The following FBRSL1 variants were observed in gnomAD, a reference collection of about 807,000 sequenced individuals.
FBRSL1 encodes the protein fibrosin-1-like protein.
Under a neutral mutation model 89.6 loss-of-function variants are expected in FBRSL1, and 51 were observed. The observed-to-expected ratio is 0.57, with a 90% CI of 0.45 to 0.72. The LOEUF (loss-of-function observed/expected upper bound fraction) is 0.72. Ranked by LOEUF, FBRSL1 falls within the 30% of genes least tolerant of loss-of-function variation. The pLI is 0.00. For synonymous variants in FBRSL1, 779 were observed against 681.1 expected (o/e 1.14, Z -2.24); for missense variants, 1,618 against 1,451.8 (o/e 1.11, Z -1.86).
chr12:132,544,498 G>A (rs1324388581), intron 4 of FBRSL1, among the ~76,000 whole-genome samples: 1 of 152,160 alleles, frequency 6.6e-6, no homozygotes, highest in East Asian at 1.9e-4. Context: ...CCTACGCCAG[G>A]GTAAATGGCA....
intron 3 of FBRSL1, among the ~76,000 whole-genome samples, chr12:132,526,926 A>T (rs924751922): frequency 1.3e-5 from 2 of 152,018 alleles, no homozygotes; most frequent in African/African-American, 2.4e-5. Context: ...CTCTGTCCTG[A>T]AGACCTCACA....
intron 4 of FBRSL1, among the ~76,000 whole-genome samples, chr12:132,536,995 G>A (rs566988875): frequency 7.2e-5 from 11 of 152,310 alleles, no homozygotes; most frequent in South Asian, 4.1e-4. Flanking sequence ...GCAGGCACTC[G>A]GGGGTCTTCA....
intron 2 of FBRSL1, among the ~76,000 whole-genome samples, chr12:132,522,426 T>A (rs1451751097): frequency 6.6e-6 from 1 of 152,052 alleles, no homozygotes; most frequent in African/African-American, 2.4e-5. Context: ...GCCACCATGT[T>A]CCTACGGTTA....
chr12:132,502,727 C>G (rs1471732790), intron 1 of FBRSL1, among the ~76,000 whole-genome samples: 5 of 148,356 alleles, frequency 3.4e-5, no homozygotes, highest in Admixed American at 2.7e-4. Context: ...GCCTCGAGCC[C>G]GCTATCCCCA....
intron 4 of FBRSL1, among the ~76,000 whole-genome samples, chr12:132,532,537 T>C (rs994190673): frequency 2.6e-5 from 4 of 152,188 alleles, no homozygotes; most frequent in Admixed American, 2.6e-4. Flanking sequence ...TCCATCAGGG[T>C]CACAGATGCC....
intron 4 of FBRSL1, among the ~76,000 whole-genome samples, chr12:132,545,938 C>T (rs960334144): frequency 6.6e-6 from 1 of 152,218 alleles, no homozygotes; most frequent in African/African-American, 2.4e-5. Context: ...CCCTGCAGGC[C>T]TCTGGATGCT....
intron 2 of FBRSL1, chr12:132,512,049 A>G (rs982841175): frequency 1.0e-6 from 1 of 978,040 alleles, no homozygotes; most frequent in Non-Finnish European, 1.2e-6. Context: ...GATTCATTGC[A>G]CTCTGACCGA....
intron 2 of FBRSL1, among the ~76,000 whole-genome samples, chr12:132,512,265 C>CT (rs2034430774): frequency 6.6e-6 from 1 of 152,264 alleles, no homozygotes; most frequent in Non-Finnish European, 1.5e-5. Flanking sequence ...GATCAGTGTC[C>CT]TGGGGACTGG....
intron 9 of FBRSL1, 129 bp from the exon 10 acceptor site, chr12:132,572,159 C>A: frequency 1.3e-6 from 1 of 792,686 alleles, no homozygotes. Context: ...GGACGGCTGG[C>A]CGAAGCCGCC....
At chr12:132,522,557 G>A (rs531585505) in intron 2 of FBRSL1, among the ~76,000 whole-genome samples, 1 of 152,232 alleles carries the variant, frequency 6.6e-6, no homozygotes, top group African/African-American at 2.4e-5. Flanking sequence ...GAAGCCGGCT[G>A]TTAAACTGTT....
chr12:132,577,591 A>C (rs1265914369), intron 15 of FBRSL1, among the ~76,000 whole-genome samples: 2 of 151,958 alleles, frequency 1.3e-5, no homozygotes, highest in African/African-American at 2.4e-5. Flanking sequence ...GGGAGCAGCG[A>C]GGGCCTCCCT....
intron 1 of FBRSL1, among the ~76,000 whole-genome samples, chr12:132,504,778 T>C (rs2033473079): frequency 6.6e-6 from 1 of 152,178 alleles, no homozygotes; most frequent in Non-Finnish European, 1.5e-5. Context: ...GTGTCTTCAT[T>C]CGACACTGGG....
At chr12:132,537,984 G>A (rs12424388) in intron 4 of FBRSL1, among the ~76,000 whole-genome samples, 15,401 of 152,260 alleles carry the variant, frequency 0.1, 962 homozygotes, top group Non-Finnish European at 0.14. Flanking sequence ...CGGGGGAGGG[G>A]CCGCAGAGCC....
At chr12:132,503,288 G>T (rs1044912272) in intron 1 of FBRSL1, among the ~76,000 whole-genome samples, 1 of 152,206 alleles carries the variant, frequency 6.6e-6, no homozygotes, top group Non-Finnish European at 1.5e-5. Context: ...GGCGAGAGCC[G>T]CAAGCCCGCA....
chr12:132,516,940 C>T (rs1335005245), intron 2 of FBRSL1, among the ~76,000 whole-genome samples: 4 of 152,230 alleles, frequency 2.6e-5, no homozygotes, highest in East Asian at 3.8e-4. Flanking sequence ...AAGGTTTGTA[C>T]TGTCTACATA....
intron 4 of FBRSL1, among the ~76,000 whole-genome samples, chr12:132,533,949 G>C (rs749823515): frequency 3.3e-5 from 5 of 152,220 alleles, no homozygotes; most frequent in African/African-American, 7.2e-5. Flanking sequence ...TGTGTGTGCA[G>C]AACCTGAGGC....
rs144448559 is a variant in FBRSL1 at position 132,563,856 on chromosome 12, A to C, written c.646-3625A>C. Among the ~76,000 whole-genome samples, 125 of 36,490 alleles carry C rather than the reference A, an allele frequency of 3.4e-3. 9 individuals carry two copies. The highest frequency in any genetic ancestry group is 6.7e-3 in the East Asian group (2 of 300). 23.9% of individuals were successfully genotyped at this position (36,490 alleles called of 152,430 possible). On this transcript the variant is annotated intron_variant, in intron 5 of 18. Coordinates refer to ENST00000680143, the MANE Select transcript of FBRSL1 (RefSeq NM_001367871.1). ...CCCCCTGCACCCCTCCGGCTGACAC[A>C]TACCTACGACTGTACACTCACTCCC... is the stretch of plus-strand genomic sequence containing the variant.
At chr12:132,564,653 G>T (rs529295844) in intron 5 of FBRSL1, among the ~76,000 whole-genome samples, 1 of 104,974 alleles carries the variant, frequency 9.5e-6, no homozygotes, top group South Asian at 3.4e-4. Context: ...CCGCCACCAC[G>T]CCCGGCTAAT....
At chr12:132,504,413 A>G (rs1055327852) in intron 1 of FBRSL1, among the ~76,000 whole-genome samples, 6 of 152,202 alleles carry the variant, frequency 3.9e-5, no homozygotes, top group African/African-American at 1.4e-4. Flanking sequence ...ATGTCACGGC[A>G]GCCTGCGCCC....
Sources: allele counts gnomAD v4.1 joint callset (sites outside exome capture counted in the v4.1 genomes callset), GRCh38; gene constraint gnomAD v4.1.1; transcripts MANE v1.5; gene names NCBI Gene and HGNC (gene_info 2026-07-23, HGNC 2026-07-21).